Variants in PER3 observed in about 807,000 individuals in gnomAD.
PER3 encodes period circadian protein homolog 3.
PER3 carries 107 observed loss-of-function variants against 127.2 expected under a neutral mutation model. That is an observed-to-expected ratio of 0.84 (90% CI 0.72 to 0.99). The LOEUF is 0.99. Among genes scored for constraint, PER3 ranks in the 50% least tolerant of loss-of-function variants. The probability of loss-of-function intolerance (pLI) is 0.00; values close to 1 mark genes in which losing one functional copy is unlikely to be tolerated. For missense variants in PER3, 1,560 were observed against 1,525.8 expected (o/e 1.02, Z -0.37); for synonymous variants, 618 against 585.8 (o/e 1.05, Z -0.79).
intron 13 of PER3, among the ~76,000 whole-genome samples, chr1:7,814,319 T>C (rs2097236483): frequency 6.6e-6 from 1 of 152,010 alleles, no homozygotes; most frequent in South Asian, 2.1e-4. Flanking sequence ...TTCAAACTGA[T>C]GGAAAAAAGA....
intron 16 of PER3, among the ~76,000 whole-genome samples, chr1:7,821,327 G>C (rs916576288): frequency 6.6e-6 from 1 of 152,208 alleles, no homozygotes; most frequent in African/African-American, 2.4e-5. Context: ...GTGTGCCACT[G>C]TCTGCTCTTA....
Position 7,803,069 on chromosome 1 carries a change from C to T in PER3, c.895C>T (p.Leu299=). 6.2e-7 allele frequency: 1 copy of T among 1,611,272 alleles called. No homozygotes were observed. The highest frequency in any genetic ancestry group is 8.5e-7 in the Non-Finnish European group (1 of 1,177,392). ...DEKAVPLLGY[L]PQDLIGTSIL... ...CAGAGCAGTGCCTTTGCTGGGTTAC[C>T]TACCTCAGGACCTGATTGGAACATC... Residue 299 remains leucine (L), a synonymous_variant, in exon 9 of 22, where the codon CTA becomes TTA. Transcript: ENST00000377532.
intron 5 of PER3, among the ~76,000 whole-genome samples, chr1:7,789,145 A>ATG (rs34017141): frequency 0.28 from 41,938 of 150,214 alleles, 6,230 homozygotes; most frequent in Middle Eastern, 0.47. Flanking sequence ...TTTAAAATAT[A>ATG]TATATATATA....
At chr1:7,835,681 C>T in intron 19 of PER3, 81 bp from the exon 20 acceptor site, 1 of 983,786 alleles carries the variant, frequency 1.0e-6, no homozygotes, top group Non-Finnish European at 1.6e-6. Flanking sequence ...CTGTCCGAGG[C>T]AAGAGTCTGA....
chr1:7,820,273 G>A, intron 15 of PER3, 34 bp downstream of exon 15: 1 of 1,598,950 alleles, frequency 6.3e-7, no homozygotes, highest in Non-Finnish European at 8.5e-7. Context: ...TAAATTCAAA[G>A]AACTGTAAAT....
At chr1:7,832,357 A>G (rs1294953649) in intron 19 of PER3, among the ~76,000 whole-genome samples, 8 of 120,598 alleles carry the variant, frequency 6.6e-5, no homozygotes, top group Non-Finnish European at 1.1e-4. Context: ...TATTTTATTG[A>G]TTTATGCTCT....
In PER3 at chr1:7,842,693, G is replaced by T. The variant is rs968841417; in HGVS notation, c.3571G>T (p.Glu1191Ter). The change falls in exon 22 of 22, where the codon GAA (glutamate) becomes TAA (stop). Residue 1191 changes from glutamate (E) to a stop codon, truncating the protein, a stop_gained. Transcript: ENST00000377532. LOFTEE classifies it low-confidence loss of function (END_TRUNC). ...DIQACVTCEN[E>*]DSADGAATSC... ...GGAGGCCTGTGTCACTTGTGAAAATGAAGATTCAGCTGATGGTGCGGCCAC... is the reference window on the plus strand; with the variant it reads ...GGAGGCCTGTGTCACTTGTGAAAATTAAGATTCAGCTGATGGTGCGGCCAC... 5.6e-6 allele frequency: 9 copies of T among 1,613,438 alleles called. No homozygotes were observed. Among genetic ancestry groups the T allele is most frequent in the Non-Finnish European group, 6.8e-6 (8 of 1,179,536 alleles).
intron 21 of PER3, among the ~76,000 whole-genome samples, chr1:7,839,469 C>T (rs2097374035): frequency 6.6e-6 from 1 of 152,208 alleles, no homozygotes; most frequent in Non-Finnish European, 1.5e-5. Flanking sequence ...TCGTTGCAAT[C>T]ATAATATTTA....
intron 5 of PER3, among the ~76,000 whole-genome samples, chr1:7,789,820 A>G (rs707462): frequency 0.23 from 35,536 of 152,150 alleles, 4,566 homozygotes; most frequent in East Asian, 0.39. Context: ...ATATTTTTAC[A>G]TAAGCTCTAG....
At chr1:7,824,889 A>G (rs2097294289) in intron 16 of PER3, among the ~76,000 whole-genome samples, 1 of 152,090 alleles carries the variant, frequency 6.6e-6, no homozygotes, top group Non-Finnish European at 1.5e-5. Context: ...TAATCCTCTC[A>G]GGTGGTTTTT....
At chr1:7,803,326 C>G (rs2097178741) in intron 9 of PER3, among the ~76,000 whole-genome samples, 173 bp downstream of exon 9, 1 of 151,684 alleles carries the variant, frequency 6.6e-6, no homozygotes, top group Non-Finnish European at 1.5e-5. Flanking sequence ...CAGTGGGTCA[C>G]ACCTGTAATC....
chr1:7,789,964 G>T (rs2097111433), intron 5 of PER3, among the ~76,000 whole-genome samples: 1 of 151,924 alleles, frequency 6.6e-6, no homozygotes, highest in Non-Finnish European at 1.5e-5. Flanking sequence ...CTCTGCTTTT[G>T]TTAGCTGTTC....
At position 7,788,303 on chromosome 1, in the gene PER3, T is replaced by C. The variant is rs553060170; in HGVS notation, c.592+57T>C. On this transcript the variant is annotated intron_variant, in intron 5 of 21. Transcript: ENST00000377532. ...TCCTCATCAAGATCAGTTTCATTCT[T>C]ACAGGAATAGTACAGAAATTAACAT... is the stretch of plus-strand genomic sequence containing the variant. 1.7e-5 allele frequency: 20 copies of C among 1,190,906 alleles called. No individual in the cohort carries two copies. The African/African-American group carries it at 2.3e-4, about 13-fold the overall frequency. 73.8% of individuals were successfully genotyped at this position (1,190,906 alleles called of 1,614,324 possible).
In PER3 at chr1:7,836,430, C is replaced by T. The variant is rs545810188; in HGVS notation, c.3398+485C>T. ...CTGGCCTCAGGTGATCTGCCCACCT[C>T]GGCCTCCCAAAGTGCTGGGATTACA... is the stretch of plus-strand genomic sequence containing the variant. On this transcript the variant is annotated intron_variant, in intron 20 of 21. Transcript: ENST00000377532. 1.4e-3 allele frequency among the ~76,000 whole-genome samples: 215 copies of T among 152,282 alleles called. 1 individual carries two copies. The highest frequency in any genetic ancestry group is 4.8e-3 in the Admixed American group (73 of 15,294).
rs140752823 is a variant in PER3, at chr1:7,826,797, T to C, written c.2188+87T>C. The C allele has an allele frequency of 7.3e-5, 57 of 781,486 alleles. No homozygotes were observed. The Admixed American group carries it at 1.2e-3, about 16-fold the overall frequency. 48.4% of individuals were successfully genotyped at this position (781,486 alleles called of 1,614,324 possible). Reference sequence around the variant, plus strand: ...GGACTAGGAGATAAGGAGTGAACAATAGGAGTTTTACTTGTAAGAAACTGA... The same window carrying C: ...GGACTAGGAGATAAGGAGTGAACAACAGGAGTTTTACTTGTAAGAAACTGA... On this transcript the variant is annotated intron_variant, in intron 17 of 21. Transcript: ENST00000377532. The surrounding 1 kb of genome is among the most constrained non-coding windows in gnomAD (Gnocchi z 4.2).
intron 3 of PER3, among the ~76,000 whole-genome samples, chr1:7,785,946 G>A (rs1281363047): frequency 2.0e-5 from 3 of 152,178 alleles, no homozygotes; most frequent in East Asian, 1.9e-4. Context: ...TTTACATGCC[G>A]TACACATACT....
chr1:7,793,942 C>G lies in PER3; in HGVS notation c.593-15C>G. On this transcript the variant is annotated splice_polypyrimidine_tract_variant and intron_variant, in intron 5 of 21. Coordinates refer to ENST00000377532, the MANE Select transcript of PER3 (RefSeq NM_001377275.1). ...GGATAAGAGGGAGTGACTGACCAGG[C>G]ATCTTTCTTTCTAGCAGCTGCACGG... 6.2e-7 allele frequency: 1 copy of G among 1,610,366 alleles called. No homozygotes were observed.
chr1:7,832,069 T>C (rs1023138517), intron 19 of PER3, among the ~76,000 whole-genome samples: 8 of 152,144 alleles, frequency 5.3e-5, no homozygotes, highest in African/African-American at 1.9e-4. Flanking sequence ...TTAATATATA[T>C]GGGTCTAATC....
chr1:7,787,072 G>A (rs555701130), intron 4 of PER3: 25 of 421,864 alleles, frequency 5.9e-5, no homozygotes, highest in African/African-American at 5.0e-4. Context: ...GTTATGAGGT[G>A]CTTCTAGCTC....
Sources: allele counts gnomAD v4.1 joint callset (sites outside exome capture counted in the v4.1 genomes callset), GRCh38; gene constraint gnomAD v4.1.1; non-coding constraint Gnocchi (gnomAD v3.1); transcripts MANE v1.5; gene names NCBI Gene and HGNC (gene_info 2026-07-23, HGNC 2026-07-21).